Variants in AGMO observed in about 807,000 individuals in gnomAD.
AGMO encodes the protein glyceryl-ether monooxygenase.
Under a neutral mutation model 60.2 loss-of-function variants are expected in AGMO, and 75 were observed. That is an observed-to-expected ratio of 1.25 (90% CI 1.03 to 1.51). AGMO has a LOEUF of 1.51. Among genes scored for constraint, AGMO ranks in the 40% most tolerant of loss-of-function variants. The probability of loss-of-function intolerance (pLI) is 0.00; values close to 1 mark genes in which losing one functional copy is unlikely to be tolerated. For missense variants in AGMO, 763 were observed against 525.5 expected (o/e 1.45, Z -4.42); for synonymous variants, 261 against 177.1 (o/e 1.47, Z -3.76).
the AGMO span, among the ~76,000 whole-genome samples, chr7:15,140,198 T>G: frequency 6.6e-6 from 1 of 151,998 alleles, no homozygotes; most frequent in African/African-American, 2.4e-5. Flanking sequence ...GAATACAAAT[T>G]AATTTGGTTA....
the AGMO span, among the ~76,000 whole-genome samples, chr7:15,118,924 G>GTC: frequency 8.3e-6 from 1 of 119,804 alleles, no homozygotes; most frequent in African/African-American, 3.1e-5. Context: ...TTGAGACAGA[G>GTC]TCTCTCTCTG....
chr7:15,365,459 A>G, intron 12 of AGMO, 55 bp downstream of exon 12: 2 of 1,165,008 alleles, frequency 1.7e-6, no homozygotes, highest in Non-Finnish European at 2.5e-6. Context: ...GAATGAATAA[A>G]TTAAATGTGC....
At chr7:15,399,858 A>C (rs905486808) in intron 5 of AGMO, among the ~76,000 whole-genome samples, 3 of 152,198 alleles carry the variant, frequency 2.0e-5, no homozygotes, top group African/African-American at 7.2e-5. Flanking sequence ...AGCTGTTCAC[A>C]TTCTTTCTGG....
chr7:15,503,480 C>A (rs1484281434), intron 3 of AGMO, among the ~76,000 whole-genome samples: 1 of 151,576 alleles, frequency 6.6e-6, no homozygotes, highest in Non-Finnish European at 1.5e-5. Flanking sequence ...AAGTTGAGTA[C>A]AATTAAACAA....
chr7:15,495,994 AC>A (rs1783220487), intron 3 of AGMO, among the ~76,000 whole-genome samples: 1 of 152,176 alleles, frequency 6.6e-6, no homozygotes, highest in African/African-American at 2.4e-5. Context: ...AAGTACCATT[AC>A]TGGAGATTAC....
At position 15,214,119 on chromosome 7, in the gene AGMO, G is replaced by A. The variant is rs569696711; in HGVS notation, c.1264-12760C>T. On this transcript the variant is annotated intron_variant, in intron 12 of 12. Transcript: ENST00000342526. The stretch of plus-strand genomic sequence containing the variant: ...CATAAAGGAGGGAGAGAGACAGAGA[G>A]GAAGAAATTACTAGAATTTCTAAAA... Among the ~76,000 whole-genome samples, 12 of 151,952 alleles carry A rather than the reference G, an allele frequency of 7.9e-5. No homozygotes were observed. The South Asian group carries it at 2.3e-3, about 29-fold the overall frequency.
the AGMO span, among the ~76,000 whole-genome samples, chr7:15,176,115 T>C: frequency 1.3e-5 from 2 of 152,022 alleles, no homozygotes; most frequent in African/African-American, 4.8e-5. Flanking sequence ...TAAATTTACG[T>C]TTTCCTATTT....
chr7:15,318,266 T>C (rs1478799637), intron 12 of AGMO, among the ~76,000 whole-genome samples: 1 of 151,998 alleles, frequency 6.6e-6, no homozygotes, highest in Non-Finnish European at 1.5e-5. Flanking sequence ...AGCCTCACAA[T>C]GTGCTGGAAT....
the AGMO span, among the ~76,000 whole-genome samples, chr7:15,188,679 G>A: frequency 6.6e-6 from 1 of 152,100 alleles, no homozygotes; most frequent in African/African-American, 2.4e-5. Context: ...ATGTGGAAAC[G>A]AGAAAATTGC....
chr7:15,528,167 T>C (rs1784173814), intron 3 of AGMO, among the ~76,000 whole-genome samples: 1 of 152,148 alleles, frequency 6.6e-6, no homozygotes, highest in Non-Finnish European at 1.5e-5. Flanking sequence ...GGATATGATT[T>C]ATTGAAGGCC....
chr7:15,303,366 A>C (rs1780510074), intron 12 of AGMO, among the ~76,000 whole-genome samples: 1 of 152,072 alleles, frequency 6.6e-6, no homozygotes, highest in Non-Finnish European at 1.5e-5. Flanking sequence ...TTTTTAACAT[A>C]GAAAAATACT....
intron 3 of AGMO, among the ~76,000 whole-genome samples, chr7:15,472,523 G>A (rs1426541822): frequency 1.1e-4 from 17 of 151,790 alleles, no homozygotes; most frequent in Non-Finnish European, 2.1e-4. Context: ...TCACCCAGCC[G>A]CAACTCTCAA....
At chr7:15,175,157 T>A in the AGMO span, among the ~76,000 whole-genome samples, 1 of 151,978 alleles carries the variant, frequency 6.6e-6, no homozygotes, top group African/African-American at 2.4e-5. Flanking sequence ...TATATATTCA[T>A]AATTTTTAAT....
chr7:15,473,442 CA>C (rs1171033716), intron 3 of AGMO, among the ~76,000 whole-genome samples: 2 of 151,884 alleles, frequency 1.3e-5, no homozygotes, highest in Non-Finnish European at 2.9e-5. Flanking sequence ...AGAGACACAA[CA>C]AAAAAAGAAA....
At chr7:15,358,529 C>G (rs1437833957) in intron 12 of AGMO, 5 of 423,536 alleles carry the variant, frequency 1.2e-5, no homozygotes, top group South Asian at 8.8e-5. Context: ...AGAATCCCTC[C>G]AGGGATTCCC....
intron 12 of AGMO, among the ~76,000 whole-genome samples, chr7:15,351,174 T>C (rs1004489658): frequency 6.6e-6 from 1 of 152,092 alleles, no homozygotes; most frequent in Non-Finnish European, 1.5e-5. Context: ...AACTAAACAA[T>C]TCATGGGCAA....
At chr7:15,277,157 A>T (rs1483518817) in intron 12 of AGMO, among the ~76,000 whole-genome samples, 1 of 151,948 alleles carries the variant, frequency 6.6e-6, no homozygotes, top group Non-Finnish European at 1.5e-5. Flanking sequence ...AAAATACAAC[A>T]ATTAGGTGGG....
intron 12 of AGMO, among the ~76,000 whole-genome samples, chr7:15,363,993 C>T (rs890450586): frequency 2.6e-5 from 4 of 151,088 alleles, no homozygotes; most frequent in Non-Finnish European, 5.9e-5. Context: ...GATTATTTTG[C>T]TTTTAGGTTA....
chr7:15,398,942 A>G (rs1016105881), intron 5 of AGMO, among the ~76,000 whole-genome samples: 27 of 152,202 alleles, frequency 1.8e-4, no homozygotes, highest in African/African-American at 6.3e-4. Flanking sequence ...TTTTTAAGAC[A>G]TACAGCAATT....
Sources: gnomAD v4.1 joint callset for allele counts (sites outside exome capture counted in the v4.1 genomes callset) on GRCh38, gnomAD v4.1.1 for gene constraint, MANE v1.5 for transcripts, NCBI Gene and HGNC (gene_info 2026-07-23, HGNC 2026-07-21) for gene names.